Variants in CPZ observed in about 807,000 individuals in gnomAD.
CPZ encodes VEZT/CPZ fusion.
CPZ carries 103 observed loss-of-function variants against 61.8 expected under a neutral mutation model. That is an observed-to-expected ratio of 1.67 (90% CI 1.42 to 1.96). The LOEUF (loss-of-function observed/expected upper bound fraction) is 1.96. Among genes scored for constraint, CPZ ranks in the 30% most tolerant of loss-of-function variants. The pLI, the probability that CPZ is intolerant of heterozygous loss-of-function variation, is 0.00. For synonymous variants in CPZ, 551 were observed against 373.7 expected (o/e 1.47, Z -5.47); for missense variants, 1,461 against 914.9 (o/e 1.60, Z -7.70).
chr4:8,603,592 C>A (rs748677587), intron 3 of CPZ: 41 of 267,366 alleles, frequency 1.5e-4, no homozygotes, highest in Non-Finnish European at 2.7e-4. Flanking sequence ...TGCCTGAGTG[C>A]CACTGTCATG....
chr4:8,603,117 G>GT (rs1479002141), intron 3 of CPZ: 2 of 152,238 alleles, frequency 1.3e-5, no homozygotes, highest in Non-Finnish European at 2.9e-5. Flanking sequence ...CTGGAGAACC[G>GT]TTTTGAGCAG....
intron 9 of CPZ, among the ~76,000 whole-genome samples, chr4:8,615,252 C>T (rs1356546838): frequency 2.0e-5 from 3 of 152,018 alleles, no homozygotes; most frequent in African/African-American, 7.2e-5. Context: ...CCCCTCGCTG[C>T]CCCAGAGAGC....
chr4:8,612,141 G>C lies in CPZ; in HGVS notation c.1342G>C (p.Asp448His). Residue 448 changes from aspartate to histidine, a missense_variant, in exon 8 of 11, where the codon GAC becomes CAC. Asp to His is a moderately conservative substitution (Grantham distance 81). Transcript: ENST00000360986. ...GAGGGGGAGCATCATCAACGGGGCG[G>C]ACTGGTACAGCTTCACGGGAGGTGC... ...LKRGSIINGA[D>H]WYSFTGGMSD... The C allele has an allele frequency of 6.5e-7, 1 of 1,543,962 alleles. No homozygotes were observed. The highest frequency in any genetic ancestry group is 8.8e-7 in the Non-Finnish European group (1 of 1,138,420).
intron 7 of CPZ, among the ~76,000 whole-genome samples, chr4:8,608,258 A>C (rs1389010119): frequency 6.6e-6 from 1 of 151,656 alleles, no homozygotes; most frequent in African/African-American, 2.4e-5. Flanking sequence ...GATGGCCCAG[A>C]GTCGCTCCCC....
At chr4:8,597,474 T>A (rs1481437474) in intron 1 of CPZ, 4 of 151,950 alleles carry the variant, frequency 2.6e-5, no homozygotes, top group African/African-American at 9.7e-5. Context: ...CACGTGAGGG[T>A]GCCAGGGAGG....
At chr4:8,616,477 G>A (rs536438230) in intron 9 of CPZ, among the ~76,000 whole-genome samples, 80 of 152,220 alleles carry the variant, frequency 5.3e-4, no homozygotes, top group Non-Finnish European at 9.4e-4. Context: ...GGAGGCAGAA[G>A]TGAGACCAGG....
chr4:8,604,051 C>A lies in CPZ; in HGVS notation c.572C>A (p.Ala191Asp). Residue 191 changes from alanine to aspartate, a missense_variant, in exon 4 of 11, where the codon GCC becomes GAC. By Grantham distance (126) the Ala-to-Asp change is moderately radical. Transcript: ENST00000360986. ...ATCCGCTTCAGCCACCACTCCTACG[C>A]CCAGATGGTGCGTGTGCTGAGGCGG... ...TFIRFSHHSY[A>D]QMVRVLRRTA... is the part of the protein sequence containing the mutation. 1 of 1,612,086 alleles carries A rather than the reference C, an allele frequency of 6.2e-7. No homozygotes were observed. The highest frequency in any genetic ancestry group is 8.5e-7 in the Non-Finnish European group (1 of 1,179,822).
rs772386940 is a variant in CPZ at position 8,612,040 on chromosome 4, T to TGTCCAGAGCCTACGCTGAC, written c.1247_1265dup (p.His422GlnfsTer5). 6.2e-7 allele frequency: 1 copy of TGTCCAGAGCCTACGCTGAC among 1,614,040 alleles called. No homozygotes were observed. Among genetic ancestry groups the TGTCCAGAGCCTACGCTGAC allele is most frequent in the Non-Finnish European group, 8.5e-7 (1 of 1,180,028 alleles). ...TTTCTTTTCCAGATGTTCAAGCTGC[T>TGTCCAGAGCCTACGCTGAC]GTCCAGAGCCTACGCTGACGTCCAC... is the stretch of plus-strand genomic sequence containing the variant. On this transcript the variant is annotated frameshift_variant, in exon 8 of 11. Coordinates refer to ENST00000360986, the MANE Select transcript of CPZ (RefSeq NM_001014447.3). LOFTEE classifies it high-confidence loss of function.
At chr4:8,611,199 G>T (rs1382476639) in intron 7 of CPZ, 7 of 455,652 alleles carry the variant, frequency 1.5e-5, no homozygotes, top group Non-Finnish European at 3.1e-5. Context: ...TGTCCTGCTT[G>T]GTGGGGCCCT....
chr4:8,618,644 A>G, intron 10 of CPZ, 116 bp downstream of exon 10: 2 of 949,822 alleles, frequency 2.1e-6, no homozygotes, highest in Middle Eastern at 2.3e-4. Flanking sequence ...GGATGGCTCC[A>G]TTCCTCCCCA....
At chr4:8,611,966 C>G in intron 7 of CPZ, 61 bp from the exon 8 acceptor site, 1 of 1,610,950 alleles carries the variant, frequency 6.2e-7, no homozygotes, top group Non-Finnish European at 8.5e-7. Flanking sequence ...CTCATTGACC[C>G]CAGCTCACAG....
In CPZ at chr4:8,605,975, G is replaced by C. The variant is rs374024695; in HGVS notation, c.710-14G>C. On this transcript the variant is annotated splice_polypyrimidine_tract_variant and intron_variant, in intron 4 of 10. Transcript: ENST00000360986. ...CTTTGAGATGATGCCCCAAGTCTCTGTATTTGCCCCCAGTGGAGCCCGAGG... is the reference window on the plus strand; with the variant it reads ...CTTTGAGATGATGCCCCAAGTCTCTCTATTTGCCCCCAGTGGAGCCCGAGG... 1.1e-4 allele frequency: 172 copies of C among 1,609,444 alleles called. 2 individuals carry two copies. In the Middle Eastern group the frequency reaches 3.8e-3, roughly 36 times the overall value.
intron 6 of CPZ, 144 bp from the exon 7 acceptor site, chr4:8,607,123 G>T: frequency 2.7e-6 from 3 of 1,115,178 alleles, no homozygotes; most frequent in Non-Finnish European, 3.8e-6. Context: ...CCCAGTGATG[G>T]GGGCCGAGTC....
intron 1 of CPZ, 62 bp from the exon 2 acceptor site, chr4:8,599,391 G>A: frequency 6.5e-7 from 1 of 1,535,216 alleles, no homozygotes; most frequent in Non-Finnish European, 8.8e-7. Context: ...CTGGCCGTGT[G>A]TTGCCCGGTG....
Position 8,618,467 on chromosome 4 carries a change from C to T in CPZ, c.1542C>T (p.Phe514=), listed in dbSNP as rs1804806. The T allele has an allele frequency of 1.1e-4, 182 of 1,614,062 alleles. 1 individual carries two copies. The highest frequency in any genetic ancestry group is 8.2e-4 in the Middle Eastern group (5 of 6,084). ...RGIKGVVTDK[F]GKPVKNARIS... ...TCAAAGGTGTGGTGACAGATAAATT[C>T]GGCAAGCCAGTCAAAAACGCCCGGA... The change falls in exon 10 of 11, where the codon TTC becomes TTT. Residue 514 remains phenylalanine, a synonymous_variant. Coordinates refer to ENST00000360986, the MANE Select transcript of CPZ (RefSeq NM_001014447.3).
intron 1 of CPZ, among the ~76,000 whole-genome samples, chr4:8,597,860 T>C (rs1374310772): frequency 6.6e-6 from 1 of 152,060 alleles, no homozygotes; most frequent in Non-Finnish European, 1.5e-5. Flanking sequence ...AATGAACCCA[T>C]GTGAAATGGG....
At chr4:8,610,964 G>A (rs13112040) in intron 7 of CPZ, among the ~76,000 whole-genome samples, 44,552 of 152,106 alleles carry the variant, frequency 0.29, 8,587 homozygotes, top group Non-Finnish European at 0.43. Flanking sequence ...CTGGCCTGGA[G>A]CAATCACTCA....
At chr4:8,608,899 G>A (rs1306203913) in intron 7 of CPZ, among the ~76,000 whole-genome samples, 1 of 152,178 alleles carries the variant, frequency 6.6e-6, no homozygotes, top group Non-Finnish European at 1.5e-5. Context: ...AATGGGGAGA[G>A]CAAGCTGAGC....
Position 8,599,538 on chromosome 4 carries a change from C to G in CPZ, c.121+53C>G, listed in dbSNP as rs1485409913. On this transcript the variant is annotated intron_variant, in intron 2 of 10. Coordinates refer to ENST00000360986, the MANE Select transcript of CPZ (RefSeq NM_001014447.3). ...TGTTCTGTAGGAGGGCTGCAGCCCC[C>G]ACACTGTCAGAGCACTTTAGGCAGC... 5.0e-6 allele frequency: 8 copies of G among 1,606,964 alleles called. No homozygotes were observed. The East Asian group carries it at 1.8e-4, about 36-fold the overall frequency.
Sources: allele counts gnomAD v4.1 joint callset (sites outside exome capture counted in the v4.1 genomes callset), GRCh38; gene constraint gnomAD v4.1.1; transcripts MANE v1.5; gene names NCBI Gene and HGNC (gene_info 2026-07-23, HGNC 2026-07-21).